MTA3: variants seen among roughly 807,000 people sequenced by gnomAD.
The protein encoded by MTA3 is metastasis associated 1 family member 3, also known as metastasis-associated protein MTA3.
Under a neutral mutation model 83.5 loss-of-function variants are expected in MTA3, and 34 were observed. The ratio of observed to expected loss-of-function variants is 0.41; its 90% CI spans 0.31 to 0.54. The LOEUF (loss-of-function observed/expected upper bound fraction) is 0.54, where lower values mean the gene tolerates loss of function less well. Ranked by LOEUF, MTA3 falls within the 20% of genes least tolerant of loss-of-function variation. The pLI, the probability that MTA3 is intolerant of heterozygous loss-of-function variation, is 0.33. For synonymous variants in MTA3, 303 were observed against 252.7 expected, an observed-to-expected ratio of 1.20 and a Z score of -1.89; for missense variants, 761 against 726.4, an observed-to-expected ratio of 1.05 and a Z score of -0.55.
At chr2:42,605,907 A>C (rs1173833530) in intron 3 of MTA3, among the ~76,000 whole-genome samples, 15 of 70,856 alleles carry the variant, frequency 2.1e-4, no homozygotes, top group East Asian at 4.9e-4. Flanking sequence ...ACTTCCCAGT[A>C]GGGGCGGCCG....
chr2:42,600,501 AT>A (rs11355281), intron 3 of MTA3, among the ~76,000 whole-genome samples: 105,298 of 139,948 alleles, frequency 0.75, 39,710 homozygotes, highest in African/African-American at 0.87. Context: ...CTTTTTATTA[AT>A]TTTTTTTTTT....
intron 4 of MTA3, among the ~76,000 whole-genome samples, chr2:42,622,662 A>G (rs1573345525): frequency 7.0e-6 from 1 of 142,490 alleles, no homozygotes; most frequent in Admixed American, 7.0e-5. Context: ...ATTTTTGCCT[A>G]TTTTTTTTTT....
Position 42,729,984 on chromosome 2 carries a change from A to G in MTA3, c.1759+6949A>G, listed in dbSNP as rs115934819. ...TCAATTTCTTGCATCAGTGGTTTAT[A>G]GTTTTCATTGTAGAGATCTTTCACT... On this transcript the variant is annotated intron_variant, in intron 16 of 16. Coordinates refer to ENST00000405094, the MANE Select transcript of MTA3 (RefSeq NM_001330442.2). 9.3e-3 allele frequency among the ~76,000 whole-genome samples: 1,419 copies of G among 152,182 alleles called. 20 individuals are homozygous for G. The highest frequency in any genetic ancestry group is 0.033 in the African/African-American group (1,359 of 41,532).
In MTA3 at chr2:42,755,775, T is replaced by A; in HGVS notation, c.*2376T>A. On this transcript the variant is annotated 3_prime_UTR_variant, in exon 17 of 17. Coordinates refer to ENST00000405094, the MANE Select transcript of MTA3 (RefSeq NM_001330442.2). ...GTGTGTCAGTGGCATGTCACTGTGG[T>A]TCAGTGAGCACATGGGTGGACGTGC... 1 of 985,470 alleles carries A rather than the reference T, an allele frequency of 1.0e-6. No individual in the cohort carries two copies. Among genetic ancestry groups the A allele is most frequent in the South Asian group, 4.7e-5 (1 of 21,282 alleles). 61.0% of individuals were successfully genotyped at this position (985,470 alleles called of 1,614,324 possible). A position where few individuals can be genotyped will look rare whatever the true frequency, so the allele number is the denominator to read the frequency against.
chr2:42,579,168 A>G lies in MTA3; in HGVS notation c.158A>G (p.Asn53Ser), dbSNP rs780875505. 1.9e-6 allele frequency: 3 copies of G among 1,606,662 alleles called. No individual in the cohort carries two copies. Among genetic ancestry groups the G allele is most frequent in the East Asian group, 2.2e-5 (1 of 44,648 alleles). ...VCFYRRRDIS[N>S]TLIMLADKHA... ...TTTTATAGACGACGTGATATTTCCA[A>G]CACACTTATAATGCTCGCAGATAAG... Residue 53 changes from asparagine to serine, a missense_variant, in exon 3 of 17, where the codon AAC becomes AGC. Coordinates refer to ENST00000405094, the MANE Select transcript of MTA3 (RefSeq NM_001330442.2).
chr2:42,504,650 G>T (rs1044601678), intron 2 of MTA3, among the ~76,000 whole-genome samples: 4 of 150,672 alleles, frequency 2.7e-5, no homozygotes, highest in Non-Finnish European at 4.4e-5. Flanking sequence ...TCTGCTCTAG[G>T]ACCCTTTAAG....
intron 16 of MTA3, among the ~76,000 whole-genome samples, chr2:42,749,748 G>GT (rs1669726658): frequency 6.6e-6 from 1 of 152,028 alleles, no homozygotes; most frequent in African/African-American, 2.4e-5. Context: ...GATTACAGGC[G>GT]TGAGTCACCA....
At chr2:42,659,729 T>C in intron 7 of MTA3, 34 bp from the exon 8 acceptor site, 3 of 1,434,802 alleles carry the variant, frequency 2.1e-6, no homozygotes, top group South Asian at 3.0e-5. Flanking sequence ...AACAGATACT[T>C]AATTCTTCCT....
chr2:42,684,081 A>T (rs1383192440), intron 9 of MTA3, among the ~76,000 whole-genome samples: 5 of 152,156 alleles, frequency 3.3e-5, no homozygotes, highest in Admixed American at 1.3e-4. Context: ...TACCCCATGC[A>T]GTGGGGTAAA....
At chr2:42,738,769 C>G (rs149193949) in intron 16 of MTA3, among the ~76,000 whole-genome samples, 1 of 152,190 alleles carries the variant, frequency 6.6e-6, no homozygotes. Context: ...AGAATGCGCA[C>G]GTAGGGGTAG....
chr2:42,667,609 TATAGAGAGAGAAAGAGA>T (rs1690375025), intron 8 of MTA3, among the ~76,000 whole-genome samples: 1 of 114,424 alleles, frequency 8.7e-6, no homozygotes, highest in Admixed American at 1.1e-4. Flanking sequence ...TGTGTGTGTG[TATAGAGAGAGAAAGAGA>T]GAGAGAGAGA....
At chr2:42,658,606 T>C (rs1192776722) in intron 7 of MTA3, among the ~76,000 whole-genome samples, 6 of 152,326 alleles carry the variant, frequency 3.9e-5, no homozygotes, top group African/African-American at 1.4e-4. Flanking sequence ...TGTGGTGCTA[T>C]AATCCAGGGT....
At chr2:42,643,032 TCTCCC>T (rs111302533) in intron 5 of MTA3, among the ~76,000 whole-genome samples, 1,927 of 62,548 alleles carry the variant, frequency 0.031, 49 homozygotes, top group African/African-American at 0.15. Context: ...CATATTGGTG[TCTCCC>T]CCCCCCCCCT....
chr2:42,568,707 G>A lies in MTA3; in HGVS notation c.-39G>A. The A allele has an allele frequency of 8.3e-7, 1 of 1,204,946 alleles. No individual in the cohort carries two copies. The highest frequency in any genetic ancestry group is 4.1e-5 in the South Asian group (1 of 24,208). The allele number at this position is 1,204,946 out of a possible 1,614,324, so 74.6% of individuals were successfully genotyped here. A position where few individuals can be genotyped will look rare whatever the true frequency, so the allele number is the denominator to read the frequency against. On this transcript the variant is annotated 5_prime_UTR_variant, in exon 1 of 17. Coordinates refer to ENST00000405094, the MANE Select transcript of MTA3 (RefSeq NM_001330442.2). Reference sequence around the variant, plus strand: ...GCTGAGGAGGAGGCGGCGGCGGCGGGCGGGGCTCGGCTCGGGCTCCGCGGG... The same window carrying A: ...GCTGAGGAGGAGGCGGCGGCGGCGGACGGGGCTCGGCTCGGGCTCCGCGGG...
intron 2 of MTA3, among the ~76,000 whole-genome samples, chr2:42,506,471 A>T (rs1038704574): frequency 7.3e-4 from 111 of 151,938 alleles, no homozygotes; most frequent in Non-Finnish European, 1.3e-3. Flanking sequence ...ATATATATAT[A>T]TTTTTTGAGT....
chr2:42,682,600 A>G lies in MTA3; in HGVS notation c.891+11A>G. On this transcript the variant is annotated intron_variant, in intron 9 of 16. Coordinates refer to ENST00000405094, the MANE Select transcript of MTA3 (RefSeq NM_001330442.2). ...ATACGGCAAGATTTTGTAAGTAGAA[A>G]ATTATGAGTAAAATAAAATGTTGAG... 1 of 1,596,464 alleles carries G rather than the reference A, an allele frequency of 6.3e-7. No individual in the cohort carries two copies. Among genetic ancestry groups the G allele is most frequent in the South Asian group, 1.1e-5 (1 of 88,336 alleles).
At position 42,746,495 on chromosome 2, in the gene MTA3, C is replaced by A. The variant is rs543661900; in HGVS notation, c.1760-6879C>A. On this transcript the variant is annotated intron_variant, in intron 16 of 16. Transcript: ENST00000405094. ...TGAGTATCCTCCAATTCAATTCTGA[C>A]CATGTCTACCTGGAGAGTGTCAGAA... Among the ~76,000 whole-genome samples, 12 of 152,284 alleles carry A rather than the reference C, an allele frequency of 7.9e-5. No individual in the cohort carries two copies. In the South Asian group the frequency reaches 1.9e-3, roughly 24 times the overall value.
intron 3 of MTA3, among the ~76,000 whole-genome samples, chr2:42,601,851 G>T (rs1343596098): frequency 6.6e-6 from 1 of 151,894 alleles, no homozygotes; most frequent in Non-Finnish European, 1.5e-5. Flanking sequence ...AGCTGTTTTT[G>T]TCTGATCCCA....
chr2:42,513,654 C>T (rs1433664893), intron 2 of MTA3, among the ~76,000 whole-genome samples: 2 of 152,118 alleles, frequency 1.3e-5, no homozygotes, highest in African/African-American at 4.8e-5. Flanking sequence ...ACTTCCAGGA[C>T]AGAGAGAGAC....
Sources: gnomAD v4.1 joint callset for allele counts (sites outside exome capture counted in the v4.1 genomes callset) on GRCh38, gnomAD v4.1.1 for gene constraint, MANE v1.5 for transcripts, NCBI Gene and HGNC (gene_info 2026-07-23, HGNC 2026-07-21) for gene names.